Variants in DHRSX observed in about 807,000 individuals in gnomAD.
DHRSX encodes the protein dehydrogenase/reductase X-linked.
DHRSX carries 31 observed loss-of-function variants against 34.0 expected under a neutral mutation model. That is an observed-to-expected ratio of 0.91 (90% confidence interval 0.69 to 1.23). The LOEUF (loss-of-function observed/expected upper bound fraction) is 1.23, where lower values mean the gene tolerates loss of function less well. Ranked by LOEUF, DHRSX falls within the 50% of genes most tolerant of loss-of-function variation. DHRSX has a pLI of 0.00. For missense variants in DHRSX, 414 were observed against 428.1 expected (o/e 0.97, Z 0.29); for synonymous variants, 201 against 183.8 (o/e 1.09, Z -0.76).
chrX:2,428,067 G>C (rs1013180161), intron 1 of DHRSX, among the ~76,000 whole-genome samples: 6 of 152,056 alleles, frequency 3.9e-5, no homozygotes, highest in Admixed American at 3.9e-4. Flanking sequence ...TGTACACGTC[G>C]ACATAGAGCA....
At chrX:2,389,575 T>C (rs2043311669) in intron 3 of DHRSX, among the ~76,000 whole-genome samples, 1 of 152,018 alleles carries the variant, frequency 6.6e-6, no homozygotes, top group African/African-American at 2.4e-5. Flanking sequence ...ACCTAAAACA[T>C]GGGTACTTTT....
chrX:2,306,415 AAGAGC>A (rs2042097025), intron 3 of DHRSX, among the ~76,000 whole-genome samples: 2 of 152,054 alleles, frequency 1.3e-5, no homozygotes, highest in South Asian at 4.2e-4. Context: ...TCTTTGGACA[AAGAGC>A]AGAGCAGGAA....
At chrX:2,301,090 G>T (rs1310511257) in intron 3 of DHRSX, among the ~76,000 whole-genome samples, 1 of 152,222 alleles carries the variant, frequency 6.6e-6, no homozygotes, top group Non-Finnish European at 1.5e-5. Context: ...CAGAAGATTT[G>T]TATCACTCTA....
intron 4 of DHRSX, 104 bp downstream of exon 4, chrX:2,291,398 C>G (rs2041863517): frequency 4.6e-6 from 4 of 863,768 alleles, no homozygotes; most frequent in Non-Finnish European, 3.9e-6. Context: ...CAATAATTCC[C>G]ATGGATATCC....
chrX:2,297,723 T>C (rs2041950563), intron 3 of DHRSX, among the ~76,000 whole-genome samples: 3 of 151,616 alleles, frequency 2.0e-5, no homozygotes, highest in Admixed American at 2.0e-4. Context: ...AATGCTAGGA[T>C]GACAGGAGTG....
intron 5 of DHRSX, among the ~76,000 whole-genome samples, chrX:2,260,024 TC>T (rs1259422940): frequency 2.7e-5 from 4 of 149,762 alleles, no homozygotes; most frequent in Non-Finnish European, 4.4e-5. Flanking sequence ...TCCAGTTCCC[TC>T]CAGAGGCTCT....
intron 3 of DHRSX, among the ~76,000 whole-genome samples, chrX:2,322,645 T>C (rs1283756927): frequency 6.7e-6 from 1 of 149,598 alleles, no homozygotes; most frequent in East Asian, 2.0e-4. Context: ...GCCTCCTGAG[T>C]AGCTGGGATT....
In DHRSX at chrX:2,434,487, T is replaced by C. The variant is rs535022565; in HGVS notation, c.110-9183A>G. 7.3e-4 allele frequency among the ~76,000 whole-genome samples: 111 copies of C among 152,112 alleles called. 3 individuals carry two copies. In the South Asian group the frequency reaches 0.023, roughly 31 times the overall value. ...AGCACGAGGCCCAGCCTGGGCAACA[T>C]AGCAAGACCCTACCTCTACAAAAAT... is the stretch of plus-strand genomic sequence containing the variant. On this transcript the variant is annotated intron_variant, in intron 1 of 6. Coordinates refer to ENST00000334651, the MANE Select transcript of DHRSX (RefSeq NM_145177.3).
intron 3 of DHRSX, among the ~76,000 whole-genome samples, chrX:2,354,203 G>A (rs1329970923): frequency 3.3e-5 from 5 of 152,158 alleles, no homozygotes; most frequent in South Asian, 2.1e-4. Context: ...AACACCAGAC[G>A]TAGCACAACA....
chrX:2,259,478 C>T (rs932567700), intron 5 of DHRSX, among the ~76,000 whole-genome samples: 10 of 151,396 alleles, frequency 6.6e-5, no homozygotes, highest in African/African-American at 9.7e-5. Flanking sequence ...ATGTTAGAGC[C>T]GGCTCTGAGC....
chrX:2,343,609 AATC>A (rs2042666599), intron 3 of DHRSX, among the ~76,000 whole-genome samples: 1 of 152,156 alleles, frequency 6.6e-6, no homozygotes, highest in African/African-American at 2.4e-5. Flanking sequence ...TGTCACTTGT[AATC>A]ATTACGCAGC....
At chrX:2,339,003 T>C (rs1397456060) in intron 3 of DHRSX, among the ~76,000 whole-genome samples, 2 of 152,032 alleles carry the variant, frequency 1.3e-5, no homozygotes, top group Admixed American at 1.3e-4. Context: ...TGATAATCCA[T>C]ATAATTTCCG....
Position 2,394,670 on chromosome X carries a change from G to A in DHRSX, c.286+14075C>T, listed in dbSNP as rs185566680. ...ATCACAAGGTCAAGAGATCGAGACCGTCCTGGCCAACATGGTGAAACCCCA... is the reference window on the plus strand; with the variant it reads ...ATCACAAGGTCAAGAGATCGAGACCATCCTGGCCAACATGGTGAAACCCCA... On this transcript the variant is annotated intron_variant, in intron 3 of 6. Transcript: ENST00000334651. Among the ~76,000 whole-genome samples, 209 of 152,100 alleles carry A rather than the reference G, an allele frequency of 1.4e-3. 2 individuals carry two copies. The highest frequency in any genetic ancestry group is 4.5e-3 in the African/African-American group (187 of 41,482).
At chrX:2,287,630 T>C (rs1408044744) in intron 4 of DHRSX, among the ~76,000 whole-genome samples, 2 of 151,808 alleles carry the variant, frequency 1.3e-5, no homozygotes, top group African/African-American at 4.8e-5. Flanking sequence ...GAAGACAGAA[T>C]AATGGCCCCA....
At chrX:2,388,775 C>T (rs925626805) in intron 3 of DHRSX, among the ~76,000 whole-genome samples, 3 of 151,364 alleles carry the variant, frequency 2.0e-5, no homozygotes, top group African/African-American at 7.3e-5. Flanking sequence ...CTTGCCCATA[C>T]CCTGATCTCA....
At position 2,500,973 on chromosome X, in the gene DHRSX, C is replaced by T; in HGVS notation, c.-48G>A. On this transcript the variant is annotated 5_prime_UTR_variant, in exon 1 of 7. Coordinates refer to ENST00000334651, the MANE Select transcript of DHRSX (RefSeq NM_145177.3). ...CCGCTTCCGCGCCGCCCGCGGGACT[C>T]TGCGCCCGCCCGCCCGGACGGACGG... 1 of 958,536 alleles carries T rather than the reference C, an allele frequency of 1.0e-6. No individual in the cohort carries two copies. Among genetic ancestry groups the T allele is most frequent in the Non-Finnish European group, 1.2e-6 (1 of 800,014 alleles). 59.4% of individuals were successfully genotyped at this position (958,536 alleles called of 1,614,324 possible). A position where few individuals can be genotyped will look rare whatever the true frequency, so the allele number is the denominator to read the frequency against.
rs371803075 is a variant in DHRSX at position 2,324,969 on chromosome X, C to T, written c.287-33366G>A. On this transcript the variant is annotated intron_variant, in intron 3 of 6. Coordinates refer to ENST00000334651, the MANE Select transcript of DHRSX (RefSeq NM_145177.3). ...TTGTTTTTTTTTTTTTTAGTAGAGA[C>T]GCGGTTTCACTGGTCAGGCTCGTCT... Among the ~76,000 whole-genome samples the T allele has an allele frequency of 9.0e-4, 133 of 147,914 alleles. 4 individuals carry two copies. In the South Asian group the frequency reaches 0.027, roughly 31 times the overall value.
intron 1 of DHRSX, among the ~76,000 whole-genome samples, chrX:2,497,805 G>A (rs1421934779): frequency 1.3e-5 from 2 of 152,132 alleles, no homozygotes; most frequent in Non-Finnish European, 2.9e-5. Flanking sequence ...TATTAATACC[G>A]GTGGGTAGAG....
intron 3 of DHRSX, among the ~76,000 whole-genome samples, chrX:2,354,398 G>A (rs1172786984): frequency 1.3e-5 from 2 of 152,192 alleles, no homozygotes; most frequent in Non-Finnish European, 2.9e-5. Flanking sequence ...GAGAGCAGGT[G>A]CTCACAGACA....
Sources: allele counts gnomAD v4.1 joint callset (sites outside exome capture counted in the v4.1 genomes callset), GRCh38; gene constraint gnomAD v4.1.1; transcripts MANE v1.5; gene names NCBI Gene and HGNC (gene_info 2026-07-23, HGNC 2026-07-21).